DIS3L2: variants seen among roughly 807,000 people sequenced by gnomAD.
The protein encoded by DIS3L2 is DIS3 like 3'-5' exoribonuclease 2, also known as DIS3-like exonuclease 2.
In DIS3L2, 34 loss-of-function variants were observed where a neutral mutation model predicts 97.5. The observed-to-expected ratio is 0.35, with a 90% confidence interval of 0.27 to 0.46. The LOEUF (loss-of-function observed/expected upper bound fraction) is 0.46. DIS3L2 is among the 20% of genes least tolerant of loss of function. The probability of loss-of-function intolerance (pLI) is 1.00; values close to 1 mark genes in which losing one functional copy is unlikely to be tolerated. For synonymous variants in DIS3L2, 435 were observed against 445.2 expected (o/e 0.98, Z 0.29); for missense variants, 1,038 against 1,146.0 (o/e 0.91, Z 1.36).
At chr2:232,246,512 T>C (rs555529829) in intron 11 of DIS3L2, among the ~76,000 whole-genome samples, 1 of 152,310 alleles carries the variant, frequency 6.6e-6, no homozygotes, top group East Asian at 1.9e-4. Context: ...GGCTGGCCAG[T>C]GAGCTGACTT....
chr2:232,201,031 T>A (rs1414565026), intron 9 of DIS3L2, among the ~76,000 whole-genome samples: 1 of 152,212 alleles, frequency 6.6e-6, no homozygotes, highest in Non-Finnish European at 1.5e-5. Flanking sequence ...CGCCTCGGCC[T>A]CCCAAAGTGC....
intron 1 of DIS3L2, among the ~76,000 whole-genome samples, chr2:231,981,251 A>G (rs1693248265): frequency 6.6e-6 from 1 of 151,976 alleles, no homozygotes; most frequent in African/African-American, 2.4e-5. Flanking sequence ...GCCTTCCTTC[A>G]TGTTTTTAAA....
At chr2:232,171,786 A>T (rs1259031952) in intron 9 of DIS3L2, among the ~76,000 whole-genome samples, 1 of 152,192 alleles carries the variant, frequency 6.6e-6, no homozygotes, top group Non-Finnish European at 1.5e-5. Flanking sequence ...TAGATACACA[A>T]CTGGACCTTC....
intron 5 of DIS3L2, among the ~76,000 whole-genome samples, chr2:232,055,594 A>G (rs1294778818): frequency 6.6e-6 from 1 of 152,206 alleles, no homozygotes; most frequent in Non-Finnish European, 1.5e-5. Context: ...CATTCCAGCA[A>G]TCGTTGTTGT....
At chr2:232,063,054 T>G (rs1174361429) in intron 5 of DIS3L2, among the ~76,000 whole-genome samples, 1 of 152,206 alleles carries the variant, frequency 6.6e-6, no homozygotes, top group Non-Finnish European at 1.5e-5. Context: ...TCTATTTCCA[T>G]TGCTTGTCTT....
chr2:232,292,970 T>C lies in DIS3L2; in HGVS notation c.1660-7070T>C, dbSNP rs550395142. Among the ~76,000 whole-genome samples, 8 of 152,196 alleles carry C rather than the reference T, an allele frequency of 5.3e-5. No individual in the cohort carries two copies. The South Asian group carries it at 1.7e-3, about 32-fold the overall frequency. On this transcript the variant is annotated intron_variant, in intron 13 of 20. Coordinates refer to ENST00000325385, the MANE Select transcript of DIS3L2 (RefSeq NM_152383.5). This position sits in a 1 kb window ranked among gnomAD's most constrained non-coding sequence, Gnocchi z 4.4. ...TTGGGTAGTGGTGAGCTCTCCTGCTTGACATGGCAGCTGCCTCTGGAGAGA... is the reference window on the plus strand; with the variant it reads ...TTGGGTAGTGGTGAGCTCTCCTGCTCGACATGGCAGCTGCCTCTGGAGAGA...
intron 5 of DIS3L2, among the ~76,000 whole-genome samples, chr2:232,038,525 A>C (rs1695016441): frequency 6.6e-6 from 1 of 152,178 alleles, no homozygotes; most frequent in Non-Finnish European, 1.5e-5. Flanking sequence ...AAGGCCAAGT[A>C]ACCTGGCATC....
In DIS3L2 at chr2:232,163,602, C is replaced by T; in HGVS notation, c.1094C>T (p.Pro365Leu). Residue 365 changes from proline (P) to leucine (L), a missense_variant, in exon 9 of 21, where the codon CCA becomes CTA. Physicochemically the swap from Pro to Leu is moderately conservative, Grantham distance 98. Around this residue, in one of 3 missense-constraint regions of DIS3L2, gnomAD observed 813 missense variants for 880.1 expected, o/e 0.92. Transcript: ENST00000325385. Reference protein sequence around the residue: ...LPQGLPWTIPPEEFSKRRDLR... With the variant: ...LPQGLPWTIPLEEFSKRRDLR... ...CAAGGCCTGCCATGGACAATTCCAC[C>T]AGAGGAGTTCAGCAAGAGAAGGGAT... is the stretch of plus-strand genomic sequence containing the variant. The T allele has an allele frequency of 1.2e-6, 2 of 1,613,782 alleles. No homozygotes were observed. Among genetic ancestry groups the T allele is most frequent in the Non-Finnish European group, 1.7e-6 (2 of 1,179,968 alleles).
At chr2:232,205,554 G>T (rs903912740) in intron 9 of DIS3L2, among the ~76,000 whole-genome samples, 5 of 151,880 alleles carry the variant, frequency 3.3e-5, no homozygotes, top group African/African-American at 1.2e-4. Flanking sequence ...TGCCCACCGC[G>T]GCCTCCCAAA....
At chr2:232,041,424 T>C (rs1695109335) in intron 5 of DIS3L2, among the ~76,000 whole-genome samples, 1 of 152,184 alleles carries the variant, frequency 6.6e-6, no homozygotes, top group African/African-American at 2.4e-5. Context: ...AATGTGGGAC[T>C]GTTTTGTTAT....
intron 5 of DIS3L2, among the ~76,000 whole-genome samples, chr2:232,081,674 A>G (rs1696404959): frequency 6.6e-6 from 1 of 152,206 alleles, no homozygotes; most frequent in African/African-American, 2.4e-5. Flanking sequence ...ACAAGACACT[A>G]GTAGCCATTG....
intron 11 of DIS3L2, among the ~76,000 whole-genome samples, chr2:232,248,745 G>A (rs1293763268): frequency 6.6e-6 from 1 of 152,186 alleles, no homozygotes; most frequent in Non-Finnish European, 1.5e-5. Flanking sequence ...TTTTATTGAA[G>A]TAGTCTCTTA....
Position 232,331,482 on chromosome 2 carries a change from C to G in DIS3L2, c.2010+706C>G, listed in dbSNP as rs567503347. On this transcript the variant is annotated intron_variant, in intron 16 of 20. Coordinates refer to ENST00000325385, the MANE Select transcript of DIS3L2 (RefSeq NM_152383.5). Reference sequence around the variant, plus strand: ...TGTTCACAAGAACTGATGGCTTCAGCTGACCTCAGTGGATTTATTTTCTGA... The same window carrying G: ...TGTTCACAAGAACTGATGGCTTCAGGTGACCTCAGTGGATTTATTTTCTGA... Among the ~76,000 whole-genome samples, 7 of 152,344 alleles carry G rather than the reference C, an allele frequency of 4.6e-5. No individual in the cohort carries two copies. The South Asian group carries it at 1.4e-3, about 32-fold the overall frequency.
At chr2:232,079,653 A>AG (rs1696328730) in intron 5 of DIS3L2, among the ~76,000 whole-genome samples, 1 of 151,680 alleles carries the variant, frequency 6.6e-6, no homozygotes, top group Non-Finnish European at 1.5e-5. Context: ...AAGCTGGATA[A>AG]GGGGCTAGAG....
chr2:232,054,463 T>A (rs1695490154), intron 5 of DIS3L2, among the ~76,000 whole-genome samples: 2 of 152,236 alleles, frequency 1.3e-5, no homozygotes, highest in Non-Finnish European at 1.5e-5. Flanking sequence ...GATTTTTACC[T>A]TTTTCTAATT....
At chr2:232,087,223 A>G (rs937282545) in intron 5 of DIS3L2, among the ~76,000 whole-genome samples, 8 of 152,060 alleles carry the variant, frequency 5.3e-5, no homozygotes, top group African/African-American at 1.7e-4. Flanking sequence ...GGGGATGAAA[A>G]TGTAGATCAG....
At chr2:232,290,309 C>G (rs1694563530) in intron 13 of DIS3L2, among the ~76,000 whole-genome samples, 1 of 152,244 alleles carries the variant, frequency 6.6e-6, no homozygotes, top group South Asian at 2.1e-4. Flanking sequence ...ACATGGCCCA[C>G]TAACTGGGCA....
downstream of DIS3L2, chr2:232,340,936 A>G (rs1297674709): frequency 8.5e-6 from 4 of 470,820 alleles, no homozygotes; most frequent in Non-Finnish European, 1.8e-5. Flanking sequence ...CATAGAGGAA[A>G]AAGAAAGCTG....
At chr2:232,046,794 C>T (rs1356766242) in intron 5 of DIS3L2, among the ~76,000 whole-genome samples, 2 of 152,108 alleles carry the variant, frequency 1.3e-5, no homozygotes, top group African/African-American at 2.4e-5. Flanking sequence ...ACCTCCTTCC[C>T]ATTTTGGGGA....
Sources: allele counts gnomAD v4.1 joint callset (sites outside exome capture counted in the v4.1 genomes callset), GRCh38; gene constraint gnomAD v4.1.1; regional missense constraint gnomAD v4.1.1; non-coding constraint Gnocchi (gnomAD v3.1); transcripts MANE v1.5; gene names NCBI Gene and HGNC (gene_info 2026-07-23, HGNC 2026-07-21).